Variants in MAP7 observed in about 807,000 individuals in gnomAD.
MAP7 encodes ensconsin.
In MAP7, 52 loss-of-function variants were observed where a neutral mutation model predicts 94.8. The ratio of observed to expected loss-of-function variants is 0.55; its 90% CI spans 0.44 to 0.69. The LOEUF is 0.69. Among genes scored for constraint, MAP7 ranks in the 30% least tolerant of loss-of-function variants. MAP7 has a pLI of 0.00. For synonymous variants in MAP7, 350 were observed against 357.0 expected (o/e 0.98, Z 0.22); for missense variants, 940 against 964.6 (o/e 0.97, Z 0.34).
At chr6:136,495,622 T>C (rs1345207802) in intron 1 of MAP7, among the ~76,000 whole-genome samples, 4 of 152,154 alleles carry the variant, frequency 2.6e-5, no homozygotes, top group African/African-American at 9.7e-5. Context: ...CAGATTAGGG[T>C]TACTCAACCT....
chr6:136,445,202 C>T (rs1190170880), intron 1 of MAP7, among the ~76,000 whole-genome samples: 1 of 152,110 alleles, frequency 6.6e-6, no homozygotes, highest in Admixed American at 6.5e-5. Flanking sequence ...AGATGGCAAG[C>T]CATAAAAATT....
chr6:136,540,105 A>C (rs1386548187), intron 1 of MAP7, among the ~76,000 whole-genome samples: 1 of 152,182 alleles, frequency 6.6e-6, no homozygotes, highest in Non-Finnish European at 1.5e-5. Flanking sequence ...AAAACCGCAG[A>C]GGTTACCAGC....
At chr6:136,420,145 A>G in intron 2 of MAP7, 2 of 902,900 alleles carry the variant, frequency 2.2e-6, no homozygotes, top group South Asian at 2.6e-5. Context: ...AGAAGAAAGT[A>G]TTTTTGGCAC....
At chr6:136,537,560 C>T (rs764674515) in intron 1 of MAP7, among the ~76,000 whole-genome samples, 1 of 152,104 alleles carries the variant, frequency 6.6e-6, no homozygotes, top group Non-Finnish European at 1.5e-5. Context: ...TGGGTTTATT[C>T]CTAGTGTTAA....
intron 1 of MAP7, among the ~76,000 whole-genome samples, chr6:136,494,558 A>G (rs987413754): frequency 3.9e-5 from 6 of 152,314 alleles, no homozygotes; most frequent in Admixed American, 6.5e-5. Flanking sequence ...AAAAATGGTT[A>G]AAATGGTAAA....
chr6:136,484,722 A>G (rs978121351), intron 1 of MAP7, among the ~76,000 whole-genome samples: 3 of 152,112 alleles, frequency 2.0e-5, no homozygotes, highest in Non-Finnish European at 4.4e-5. Context: ...CTTTTTAGAC[A>G]AGGTCCTCAC....
chr6:136,357,982 T>C, intron 15 of MAP7, among the ~76,000 whole-genome samples: 1 of 152,316 alleles, frequency 6.6e-6, no homozygotes, highest in East Asian at 1.9e-4. Flanking sequence ...CCTGCCTGCA[T>C]ACCCACCTTA....
chr6:136,474,084 T>C (rs1465836472), intron 1 of MAP7, among the ~76,000 whole-genome samples: 1 of 151,948 alleles, frequency 6.6e-6, no homozygotes, highest in Non-Finnish European at 1.5e-5. Context: ...AAATGAGTGC[T>C]TCAGATAGAG....
At chr6:136,356,643 G>A in intron 16 of MAP7, 49 bp downstream of exon 16, 1 of 1,406,474 alleles carries the variant, frequency 7.1e-7, no homozygotes, top group Non-Finnish European at 1.0e-6. Flanking sequence ...TGGAGCTGGT[G>A]GGTAAAAACA....
chr6:136,431,493 T>TTTATTTAG, intron 1 of MAP7, among the ~76,000 whole-genome samples: 1 of 564 alleles, frequency 1.8e-3, no homozygotes, highest in Non-Finnish European at 6.2e-3. Context: ...TTTTTAATGC[T>TTTATTTAG]TTATTTATTT....
intron 3 of MAP7, among the ~76,000 whole-genome samples, chr6:136,390,102 A>C (rs973452518): frequency 1.3e-5 from 2 of 152,222 alleles, no homozygotes; most frequent in Non-Finnish European, 2.9e-5. Flanking sequence ...CAAAAGCTGG[A>C]TGAAAAATAC....
intron 1 of MAP7, chr6:136,526,518 A>AG (rs1218450321): frequency 1.0e-6 from 1 of 985,482 alleles, no homozygotes; most frequent in African/African-American, 1.7e-5. Flanking sequence ...ATCCTAATCA[A>AG]GAAGGGCCCA....
chr6:136,414,256 A>G (rs75304353), intron 2 of MAP7, among the ~76,000 whole-genome samples: 1 of 117,646 alleles, frequency 8.5e-6, no homozygotes, highest in African/African-American at 3.4e-5. Flanking sequence ...CCGTCTCAAA[A>G]AAAAAAAAAA....
intron 6 of MAP7, among the ~76,000 whole-genome samples, chr6:136,380,503 C>G (rs1777459329): frequency 6.6e-6 from 1 of 152,200 alleles, no homozygotes; most frequent in African/African-American, 2.4e-5. Context: ...AGGTCTACCT[C>G]TGAGTCCTAT....
Position 136,550,312 on chromosome 6 carries a change from G to A in MAP7, c.67+30C>T. On this transcript the variant is annotated intron_variant, in intron 1 of 17. Coordinates refer to ENST00000354570, the MANE Select transcript of MAP7 (RefSeq NM_003980.6). The surrounding 1 kb of genome is among the most constrained non-coding windows in gnomAD (Gnocchi z 5.1). ...CCCGCTCGCCGTCCCCTGCCCGACGGGACCCCCACTATCCCCGCTGTGCGG... is the reference window on the plus strand; with the variant it reads ...CCCGCTCGCCGTCCCCTGCCCGACGAGACCCCCACTATCCCCGCTGTGCGG... 1 of 1,487,528 alleles carries A rather than the reference G, an allele frequency of 6.7e-7. No individual in the cohort carries two copies. Among genetic ancestry groups the A allele is most frequent in the Non-Finnish European group, 8.9e-7 (1 of 1,123,768 alleles). 92.1% of individuals were successfully genotyped at this position (1,487,528 alleles called of 1,614,324 possible).
chr6:136,505,269 GTGTGTGTGTATATA>G (rs1302514937), intron 1 of MAP7, among the ~76,000 whole-genome samples: 1 of 99,486 alleles, frequency 1.0e-5, no homozygotes, highest in African/African-American at 4.9e-5. Context: ...GTGTGTGTGT[GTGTGTGTGTATATA>G]TATATATATA....
intron 1 of MAP7, chr6:136,545,512 A>C (rs1217998211): frequency 6.6e-6 from 1 of 152,070 alleles, no homozygotes; most frequent in South Asian, 2.1e-4. Flanking sequence ...CACTTCCCCC[A>C]CTACCCTACC....
At position 136,342,932 on chromosome 6, in the gene MAP7, T is replaced by A. The variant is rs939635678; in HGVS notation, c.*1296A>T. ...GACCATATGCCTGGATTAAAAAAAA[T>A]AGTCCAATAGATGAAGTCTCTCATT... On this transcript the variant is annotated 3_prime_UTR_variant, in exon 18 of 18. Coordinates refer to ENST00000354570, the MANE Select transcript of MAP7 (RefSeq NM_003980.6). The A allele has an allele frequency of 6.6e-6, 1 of 150,858 alleles. No homozygotes were observed. The highest frequency in any genetic ancestry group is 6.6e-5 in the Admixed American group (1 of 15,126). 9.3% of individuals were successfully genotyped at this position (150,858 alleles called of 1,614,324 possible).
rs73567658 is a variant in MAP7 at position 136,443,330 on chromosome 6, C to T, written c.68-21531G>A. Among the ~76,000 whole-genome samples the T allele has an allele frequency of 2.4e-3, 368 of 152,136 alleles. 1 individual carries two copies. The highest frequency in any genetic ancestry group is 8.2e-3 in the African/African-American group (342 of 41,492). On this transcript the variant is annotated intron_variant, in intron 1 of 17. Coordinates refer to ENST00000354570, the MANE Select transcript of MAP7 (RefSeq NM_003980.6). ...TATTTTCCTCATCCAAATTTACAAACGCTTGGAGTTAAAAACCTTACTTTA... is the reference window on the plus strand; with the variant it reads ...TATTTTCCTCATCCAAATTTACAAATGCTTGGAGTTAAAAACCTTACTTTA...
Sources: allele counts gnomAD v4.1 joint callset (sites outside exome capture counted in the v4.1 genomes callset), GRCh38; gene constraint gnomAD v4.1.1; non-coding constraint Gnocchi (gnomAD v3.1); transcripts MANE v1.5; gene names NCBI Gene and HGNC (gene_info 2026-07-23, HGNC 2026-07-21).